IQCN: variants seen among roughly 807,000 people sequenced by gnomAD.
IQCN encodes the protein IQ motif containing N.
IQCN carries 46 observed loss-of-function variants against 64.4 expected under a neutral mutation model. The ratio of observed to expected loss-of-function variants is 0.71; its 90% CI spans 0.56 to 0.91. The LOEUF is 0.91. IQCN is among the 40% of genes least tolerant of loss of function. The pLI, the probability that IQCN is intolerant of heterozygous loss-of-function variation, is 0.00. For missense variants in IQCN, 1,753 were observed against 1,857.4 expected, an observed-to-expected ratio of 0.94 and a Z score of 1.03; for synonymous variants, 733 against 775.6, an observed-to-expected ratio of 0.95 and a Z score of 0.91.
Position 18,265,227 on chromosome 19 carries a change from G to A in IQCN, c.2313C>T (p.Ser771=). ...CCTTGGACCCTGTTAGGAGCACCTG[G>A]GAGTGGGTGTTGCTGCTGAGATCAG... is the stretch of plus-strand genomic sequence containing the variant. The part of the protein sequence containing the change: ...QAADLSSNTH[S]QVLLTGSKVS... The change falls in exon 3 of 4, where the codon TCC becomes TCT. Residue 771 remains serine, a synonymous_variant. Transcript: ENST00000392413. The surrounding 1 kb of genome is among the most constrained non-coding windows in gnomAD (Gnocchi z 4.7). The A allele has an allele frequency of 6.2e-7, 1 of 1,612,970 alleles. No homozygotes were observed. Among genetic ancestry groups the A allele is most frequent in the Non-Finnish European group, 8.5e-7 (1 of 1,179,988 alleles).
chr19:18,269,665 T>G, intron 1 of IQCN, 78 bp from the exon 2 acceptor site: 1 of 434,516 alleles, frequency 2.3e-6, no homozygotes, highest in South Asian at 5.2e-5. Context: ...CTAAAAAAGC[T>G]AAATTCTAAA....
chr19:18,263,016 A>G (rs538166606), intron 3 of IQCN, among the ~76,000 whole-genome samples: 1 of 152,226 alleles, frequency 6.6e-6, no homozygotes, highest in African/African-American at 2.4e-5. Flanking sequence ...GCAGTTAGAC[A>G]CTGAGCTGTG....
At position 18,265,079 on chromosome 19, in the gene IQCN, GT is replaced by G. The variant is rs1969524851; in HGVS notation, c.2460del (p.Pro821HisfsTer53). 6.2e-7 allele frequency: 1 copy of G among 1,601,522 alleles called. No homozygotes were observed. Among genetic ancestry groups the G allele is most frequent in the Non-Finnish European group, 8.5e-7 (1 of 1,179,856 alleles). ...GHVPGKTTQG[G>X]PCPAACEVQG... is the part of the protein sequence containing the mutation. The stretch of plus-strand genomic sequence containing the variant: ...TGGACCTCACAGGCTGCCGGGCATG[GT>G]CCCCCCTGAGTGGTCTTCCCCGGCA... On this transcript the variant is annotated frameshift_variant, in exon 3 of 4. Coordinates refer to ENST00000392413, the MANE Select transcript of IQCN (RefSeq NM_001145304.2). LOFTEE classifies it high-confidence loss of function. The surrounding 1 kb of genome is among the most constrained non-coding windows in gnomAD (Gnocchi z 4.7).
intron 3 of IQCN, chr19:18,258,533 C>G (rs1969363871): frequency 2.4e-6 from 1 of 423,364 alleles, no homozygotes; most frequent in Non-Finnish European, 4.7e-6. Context: ...ACACTGTTTT[C>G]TGGAGTGGAT....
At position 18,264,464 on chromosome 19, in the gene IQCN, CGCTTCCTGTT is replaced by C; in HGVS notation, c.3066_3075del (p.Thr1023GlyfsTer2). 1 of 1,551,404 alleles carries C rather than the reference CGCTTCCTGTT, an allele frequency of 6.4e-7. No individual in the cohort carries two copies. Among genetic ancestry groups the C allele is most frequent in the Non-Finnish European group, 8.7e-7 (1 of 1,146,928 alleles). ...ACCAGGGCCGGCGTCTTAGTCACCC[CGCTTCCTGTT>C]GATTTCGAGGCGGCCTTGGGGAGGA... On this transcript the variant is annotated frameshift_variant, in exon 3 of 4. Transcript: ENST00000392413. LOFTEE classifies it high-confidence loss of function. The surrounding 1 kb of genome is among the most constrained non-coding windows in gnomAD (Gnocchi z 4.3).
chr19:18,257,678 AGACATGACC>A lies in IQCN; in HGVS notation c.3597_3605del (p.Val1200_Ser1202del), dbSNP rs1969327996. 2 of 1,606,230 alleles carry A rather than the reference AGACATGACC, an allele frequency of 1.2e-6. No homozygotes were observed. Among genetic ancestry groups the A allele is most frequent in the East Asian group, 4.5e-5 (2 of 44,730 alleles). On this transcript the variant is annotated inframe_deletion, in exon 4 of 4. Transcript: ENST00000392413. Reference sequence around the variant, plus strand: ...TGCCATCCTGGAACCAGCTTCGGTCAGACATGACCCCGGCCCGGCTGCCCAGCTCCACCC... The same window carrying A: ...TGCCATCCTGGAACCAGCTTCGGTCACCGGCCCGGCTGCCCAGCTCCACCC...
intron 2 of IQCN, among the ~76,000 whole-genome samples, chr19:18,268,387 T>C (rs1158724777): frequency 6.6e-6 from 1 of 151,528 alleles, no homozygotes; most frequent in Non-Finnish European, 1.5e-5. Context: ...GACTGATAAA[T>C]GGTGAGTGGA....
At chr19:18,272,382 C>A (rs1969751717) in intron 1 of IQCN, among the ~76,000 whole-genome samples, 1 of 152,018 alleles carries the variant, frequency 6.6e-6, no homozygotes, top group African/African-American at 2.4e-5. Flanking sequence ...CCCACCTTGG[C>A]CTCCCAAAGT....
chr19:18,267,096 G>A lies in IQCN; in HGVS notation c.444C>T (p.Ser148=), dbSNP rs1195031324. 5.0e-6 allele frequency: 8 copies of A among 1,614,126 alleles called. No individual in the cohort carries two copies. The African/African-American group carries it at 8.0e-5, about 16-fold the overall frequency. The change falls in exon 3 of 4, where the codon TCC becomes TCT. Residue 148 remains serine, a synonymous_variant. Transcript: ENST00000392413. Reference sequence around the variant, plus strand: ...TCGTTTTCTTTACCAACGACTTGCTGGAGTGAAGGATGTGTCTCTTGTTGA... The same window carrying A: ...TCGTTTTCTTTACCAACGACTTGCTAGAGTGAAGGATGTGTCTCTTGTTGA... ...RRFNKRHILH[S]SKSLVKKTRA...
intron 2 of IQCN, among the ~76,000 whole-genome samples, chr19:18,269,127 T>C (rs1600135175): frequency 6.7e-6 from 1 of 148,646 alleles, no homozygotes; most frequent in East Asian, 2.0e-4. Context: ...TGAAACTCCG[T>C]GTCAAATAAA....
Position 18,264,976 on chromosome 19 carries a change from G to T in IQCN, c.2564C>A (p.Thr855Lys). The change falls in exon 3 of 4, where the codon ACA (threonine) becomes AAA (lysine). Residue 855 changes from threonine to lysine, a missense_variant. Physicochemically the swap from Thr to Lys is moderately conservative, Grantham distance 78. Transcript: ENST00000392413. This position sits in a 1 kb window ranked among gnomAD's most constrained non-coding sequence, Gnocchi z 4.3. ...NVESWGDNGA[T>K]RAQPSMPGQA... is the part of the protein sequence containing the mutation. The stretch of plus-strand genomic sequence containing the variant: ...GCCGGGCATTGATGGCTGGGCACGT[G>T]TGGCTCCGTTGTCTCCCCAGGACTC... The T allele has an allele frequency of 6.2e-7, 1 of 1,608,132 alleles. No homozygotes were observed. Among genetic ancestry groups the T allele is most frequent in the Non-Finnish European group, 8.5e-7 (1 of 1,179,870 alleles).
rs1009870375 is a variant in IQCN, at chr19:18,264,055, C to G, written c.3177+308G>C. ...CTCCCCTCGGGGTTAAAATCTGATG[C>G]CAATGTGCCAGGCTCCAGGGTCGGG... On this transcript the variant is annotated intron_variant, in intron 3 of 3. Transcript: ENST00000392413. This position sits in a 1 kb window ranked among gnomAD's most constrained non-coding sequence, Gnocchi z 4.3. Among the ~76,000 whole-genome samples the G allele has an allele frequency of 3.9e-5, 6 of 152,128 alleles. No individual in the cohort carries two copies. The highest frequency in any genetic ancestry group is 7.4e-5 in the Non-Finnish European group (5 of 68,018).
rs1441085505 is a variant in IQCN, at chr19:18,257,780, A to C, written c.3504T>G (p.Ser1168=). Residue 1168 remains serine (S), a synonymous_variant, in exon 4 of 4, where the codon TCT becomes TCG. Coordinates refer to ENST00000392413, the MANE Select transcript of IQCN (RefSeq NM_001145304.2). Reference sequence around the variant, plus strand: ...GGCGGGTGCTGTAGCCGCGCCAGGCAGACTGGATGGTCGTGGTGGCTCTGC... The same window carrying C: ...GGCGGGTGCTGTAGCCGCGCCAGGCCGACTGGATGGTCGTGGTGGCTCTGC... ...HLCRATTTIQ[S]AWRGYSTRRD... is the part of the protein sequence containing the mutation. 1 of 1,611,242 alleles carries C rather than the reference A, an allele frequency of 6.2e-7. No homozygotes were observed. Among genetic ancestry groups the C allele is most frequent in the Admixed American group, 1.7e-5 (1 of 59,958 alleles).
At position 18,264,437 on chromosome 19, in the gene IQCN, T is replaced by C. The variant is rs2148100230; in HGVS notation, c.3103A>G (p.Lys1035Glu). 1 of 1,549,716 alleles carries C rather than the reference T, an allele frequency of 6.5e-7. No homozygotes were observed. The highest frequency in any genetic ancestry group is 1.7e-4 in the Middle Eastern group (1 of 5,978). The change falls in exon 3 of 4, where the codon AAG becomes GAG. Residue 1035 changes from lysine (K) to glutamate (E), a missense_variant. Transcript: ENST00000392413. This position sits in a 1 kb window ranked among gnomAD's most constrained non-coding sequence, Gnocchi z 4.3. ...GATGGACTCCTCCTGCAGGCCACCT[T>C]CACCAGGGCCGGCGTCTTAGTCACC... ...SGVTKTPALV[K>E]VACRRSPSAA...
rs768472487 is a variant in IQCN, at chr19:18,267,069, C to T, written c.471G>A (p.Arg157=). 1.2e-6 allele frequency: 2 copies of T among 1,614,258 alleles called. No homozygotes were observed. Among genetic ancestry groups the T allele is most frequent in the Non-Finnish European group, 1.7e-6 (2 of 1,180,050 alleles). Reference sequence around the variant, plus strand: ...GATAAGGTATGTCCCCCTCCTCCGCCCTCGTTTTCTTTACCAACGACTTGC... The same window carrying T: ...GATAAGGTATGTCCCCCTCCTCCGCTCTCGTTTTCTTTACCAACGACTTGC... The part of the protein sequence containing the change: ...HSSKSLVKKT[R]AEEGDIPYHA... Residue 157 remains arginine, a synonymous_variant, in exon 3 of 4, where the codon AGG becomes AGA. Coordinates refer to ENST00000392413, the MANE Select transcript of IQCN (RefSeq NM_001145304.2).
rs1969311142 is a variant in IQCN, at chr19:18,257,155, G to C, written c.*25C>G. 6.2e-7 allele frequency: 1 copy of C among 1,607,098 alleles called. No individual in the cohort carries two copies. ...GAGAGCCATGAGTGCCTCCCACGAA[G>C]TCCCCACTGCAGGGAGCCAGGGTCC... On this transcript the variant is annotated 3_prime_UTR_variant, in exon 4 of 4. Coordinates refer to ENST00000392413, the MANE Select transcript of IQCN (RefSeq NM_001145304.2).
chr19:18,258,363 C>T (rs1475989709), intron 3 of IQCN: 1 of 684,596 alleles, frequency 1.5e-6, no homozygotes, highest in East Asian at 2.8e-5. Flanking sequence ...TGCACCACTT[C>T]GGGCTGAGGC....
At position 18,270,359 on chromosome 19, in the gene IQCN, CA is replaced by C. The variant is rs199590561; in HGVS notation, c.-109-773del. ...TGGGGCAACAAGAGCAAAACTGTCT[CA>C]AAAAAAAAAAAAAAATAGGCCGGGC... On this transcript the variant is annotated intron_variant, in intron 1 of 3. Transcript: ENST00000392413. Among the ~76,000 whole-genome samples the C allele has an allele frequency of 9.6e-3, 1,165 of 121,506 alleles. 4 individuals are homozygous for C. The highest frequency in any genetic ancestry group is 0.02 in the Middle Eastern group (4 of 196). The allele number at this position is 121,506 out of a possible 152,430, so 79.7% of individuals were successfully genotyped here.
Position 18,257,927 on chromosome 19 carries a change from A to G in IQCN, c.3357T>C (p.Thr1119=), listed in dbSNP as rs1279389012. 6 of 1,612,754 alleles carry G rather than the reference A, an allele frequency of 3.7e-6. No individual in the cohort carries two copies. In the East Asian group the frequency reaches 8.9e-5, roughly 24 times the overall value. The change falls in exon 4 of 4, where the codon ACT becomes ACC. Residue 1119 remains threonine, a synonymous_variant. Coordinates refer to ENST00000392413, the MANE Select transcript of IQCN (RefSeq NM_001145304.2). ...GGTAGCCACGGACGCCCGCCTGGAT[A>G]GTGATCACTGCGAGGATGCGGATCT... The part of the protein sequence containing the change: ...AEEIRILAVI[T]IQAGVRGYLA...
Sources: allele counts gnomAD v4.1 joint callset (sites outside exome capture counted in the v4.1 genomes callset), GRCh38; gene constraint gnomAD v4.1.1; non-coding constraint Gnocchi (gnomAD v3.1); transcripts MANE v1.5; gene names NCBI Gene and HGNC (gene_info 2026-07-23, HGNC 2026-07-21).